KIF21A: variants seen among roughly 807,000 people sequenced by gnomAD.
KIF21A encodes kinesin-like protein KIF21A.
In KIF21A, 114 loss-of-function variants were observed where a neutral mutation model predicts 202.9. The observed-to-expected ratio is 0.56, with a 90% CI of 0.48 to 0.66. The LOEUF is 0.66. Among genes scored for constraint, KIF21A ranks in the 30% least tolerant of loss-of-function variants. The probability of loss-of-function intolerance (pLI) is 0.00; values close to 1 mark genes in which losing one functional copy is unlikely to be tolerated. For missense variants in KIF21A, 1,677 were observed against 1,994.9 expected (o/e 0.84, Z 3.04); for synonymous variants, 667 against 670.8 (o/e 0.99, Z 0.09).
intron 1 of KIF21A, among the ~76,000 whole-genome samples, chr12:39,432,704 G>A (rs1342761840): frequency 6.6e-6 from 1 of 151,762 alleles, no homozygotes; most frequent in Admixed American, 6.6e-5. Flanking sequence ...TCGGCCTCCC[G>A]AGTTCAAGTG....
At chr12:39,436,609 G>T (rs1305269205) in intron 1 of KIF21A, among the ~76,000 whole-genome samples, 1 of 137,010 alleles carries the variant, frequency 7.3e-6, no homozygotes, top group Non-Finnish European at 1.5e-5. Context: ...ACACCACAAC[G>T]CCAGCTTTAA....
At chr12:39,323,862 G>C (rs1211380531) in intron 26 of KIF21A, among the ~76,000 whole-genome samples, 2 of 152,100 alleles carry the variant, frequency 1.3e-5, no homozygotes, top group Non-Finnish European at 2.9e-5. Flanking sequence ...TGTAATCCCA[G>C]CACTTTGGGA....
Position 39,309,686 on chromosome 12 carries a change from C to T in KIF21A, c.4177G>A (p.Val1393Ile). ...AAACTGGTATAATTACAGTATTTTA[C>T]AGACACGACATTGTTGGGATGACCC... ...LGGHPNNVVS[V>I]KYCNYTSLVF... The change falls in exon 33 of 38, where the codon GTA (valine) becomes ATA (isoleucine). Residue 1393 changes from valine to isoleucine, a missense_variant. This residue lies in a region of KIF21A where 705 missense variants were observed against 791.9 expected (regional missense o/e 0.89). Coordinates refer to ENST00000361418, the MANE Select transcript of KIF21A (RefSeq NM_001173464.2). 2 of 1,613,394 alleles carry T rather than the reference C, an allele frequency of 1.2e-6. 1 individual carries two copies. Among genetic ancestry groups the T allele is most frequent in the South Asian group, 2.2e-5 (2 of 91,064 alleles).
At chr12:39,342,739 C>T (rs1300995293) in intron 12 of KIF21A, among the ~76,000 whole-genome samples, 3 of 152,074 alleles carry the variant, frequency 2.0e-5, no homozygotes, top group African/African-American at 7.2e-5. Context: ...TCTTTGCATA[C>T]CAAAAACTGT....
In KIF21A at chr12:39,354,551, A is replaced by G. The variant is rs113036033; in HGVS notation, c.1469+2281T>C. ...ATTAATTAGTGATTATTATTATCTC[A>G]CAAGTAATGTGACATGTAAATTTAT... On this transcript the variant is annotated intron_variant, in intron 10 of 37. Transcript: ENST00000361418. Among the ~76,000 whole-genome samples, 397 of 152,312 alleles carry G rather than the reference A, an allele frequency of 2.6e-3. 3 individuals carry two copies. The highest frequency in any genetic ancestry group is 8.7e-3 in the African/African-American group (363 of 41,580).
At chr12:39,398,795 G>A (rs945715110) in intron 1 of KIF21A, among the ~76,000 whole-genome samples, 4 of 152,092 alleles carry the variant, frequency 2.6e-5, no homozygotes, top group African/African-American at 9.7e-5. Context: ...GATGCATTGA[G>A]TATAAAGGGA....
chr12:39,294,188 G>A lies in KIF21A; in HGVS notation c.*236C>T, dbSNP rs1942078339. On this transcript the variant is annotated 3_prime_UTR_variant, in exon 38 of 38. Coordinates refer to ENST00000361418, the MANE Select transcript of KIF21A (RefSeq NM_001173464.2). The stretch of plus-strand genomic sequence containing the variant: ...AAAAATTCAGCCACAATAAAAGTGT[G>A]AATAAAGCAATATATCAATTGTAGG... 2 of 427,858 alleles carry A rather than the reference G, an allele frequency of 4.7e-6. No homozygotes were observed. Among genetic ancestry groups the A allele is most frequent in the Non-Finnish European group, 4.3e-6 (1 of 235,220 alleles). 26.5% of individuals were successfully genotyped at this position (427,858 alleles called of 1,614,324 possible).
intron 1 of KIF21A, among the ~76,000 whole-genome samples, chr12:39,373,145 C>T (rs1254040793): frequency 6.6e-6 from 1 of 152,168 alleles, no homozygotes; most frequent in African/African-American, 2.4e-5. Flanking sequence ...CAGCTCACTA[C>T]CCTGCGTAAA....
intron 1 of KIF21A, among the ~76,000 whole-genome samples, chr12:39,410,582 C>T (rs1158363148): frequency 3.3e-5 from 5 of 152,036 alleles, no homozygotes; most frequent in African/African-American, 4.8e-5. Context: ...CTATCTTGAC[C>T]TATTTGACTT....
At chr12:39,339,169 C>T (rs574207166) in intron 16 of KIF21A, among the ~76,000 whole-genome samples, 39 of 148,036 alleles carry the variant, frequency 2.6e-4, no homozygotes, top group Non-Finnish European at 4.3e-4. Flanking sequence ...GTCCCAGCTA[C>T]TGGGGAGGCT....
At chr12:39,384,215 G>GT (rs1234331154) in intron 1 of KIF21A, among the ~76,000 whole-genome samples, 9 of 152,054 alleles carry the variant, frequency 5.9e-5, no homozygotes, top group African/African-American at 1.4e-4. Context: ...AACTCATGGA[G>GT]TTTTTTTACT....
chr12:39,438,290 A>T (rs1270116242), intron 1 of KIF21A, among the ~76,000 whole-genome samples: 1 of 152,200 alleles, frequency 6.6e-6, no homozygotes, highest in Non-Finnish European at 1.5e-5. Context: ...TTATTAGGAA[A>T]GTCAAGTTTG....
chr12:39,305,627 T>C (rs1943398704), intron 34 of KIF21A, among the ~76,000 whole-genome samples: 1 of 152,098 alleles, frequency 6.6e-6, no homozygotes, highest in Non-Finnish European at 1.5e-5. Flanking sequence ...GGGAGAGTCA[T>C]AAATAAGTTA....
rs78683819 is a variant in KIF21A, at chr12:39,381,423, G to A, written c.45-11162C>T. 7.2e-3 allele frequency among the ~76,000 whole-genome samples: 1,092 copies of A among 151,936 alleles called. 9 individuals are homozygous for A. Among genetic ancestry groups the A allele is most frequent in the African/African-American group, 0.025 (1,048 of 41,458 alleles). On this transcript the variant is annotated intron_variant, in intron 1 of 37. Coordinates refer to ENST00000361418, the MANE Select transcript of KIF21A (RefSeq NM_001173464.2). Reference sequence around the variant, plus strand: ...ATTATTTTTGTTTACAATCACTCTGGGAAGGAAAAAAGACTTGTCATTTCA... The same window carrying A: ...ATTATTTTTGTTTACAATCACTCTGAGAAGGAAAAAAGACTTGTCATTTCA...
intron 1 of KIF21A, among the ~76,000 whole-genome samples, chr12:39,396,907 G>A (rs533423011): frequency 3.9e-5 from 6 of 152,162 alleles, no homozygotes; most frequent in South Asian, 4.2e-4. Context: ...ATGCCACAAC[G>A]TGAATAAACC....
intron 31 of KIF21A, chr12:39,311,789 A>G: frequency 2.0e-6 from 1 of 493,238 alleles, no homozygotes; most frequent in Non-Finnish European, 3.7e-6. Context: ...AGCAAAGACT[A>G]TAATACATCT....
intron 6 of KIF21A, among the ~76,000 whole-genome samples, chr12:39,366,069 A>C (rs1186662071): frequency 6.6e-6 from 1 of 152,198 alleles, no homozygotes; most frequent in Non-Finnish European, 1.5e-5. Flanking sequence ...TAAATGTGGA[A>C]AGAATTTTTC....
At chr12:39,309,796 A>C in intron 32 of KIF21A, 30 bp from the exon 33 acceptor site, 1 of 1,572,576 alleles carries the variant, frequency 6.4e-7, no homozygotes, top group South Asian at 1.1e-5. Context: ...AAAAGAAAAC[A>C]CCATTAATAT....
chr12:39,326,276 C>A lies in KIF21A; in HGVS notation c.3389G>T (p.Gly1130Val). The A allele has an allele frequency of 6.2e-7, 1 of 1,611,282 alleles. No individual in the cohort carries two copies. The highest frequency in any genetic ancestry group is 8.5e-7 in the Non-Finnish European group (1 of 1,177,714). Reference sequence around the variant, plus strand: ...AAGGCCTTCTTACCTTCCTTCTGATCCTGGGCTGTTTAAAGGAGCATCCTC... The same window carrying A: ...AAGGCCTTCTTACCTTCCTTCTGATACTGGGCTGTTTAAAGGAGCATCCTC... Reference protein sequence around the residue: ...TDEDAPLNSPGSEGSTLSSDL... With the variant: ...TDEDAPLNSPVSEGSTLSSDL... The change falls in exon 25 of 38, where the codon GGA becomes GTA. Residue 1130 changes from glycine to valine, a missense_variant. Gly to Val is a moderately radical substitution (Grantham distance 109, BLOSUM62 -3). Transcript: ENST00000361418.
Sources: gnomAD v4.1 joint callset for allele counts (sites outside exome capture counted in the v4.1 genomes callset) on GRCh38, gnomAD v4.1.1 for gene constraint, gnomAD v4.1.1 regional missense constraint, MANE v1.5 for transcripts, NCBI Gene and HGNC (gene_info 2026-07-23, HGNC 2026-07-21) for gene names.